The following STARD13 variants were observed in gnomAD, a reference collection of about 807,000 sequenced individuals.
The protein encoded by STARD13 is stAR-related lipid transfer protein 13.
In STARD13, 62 loss-of-function variants were observed where a neutral mutation model predicts 106.4. The observed-to-expected ratio is 0.58, with a 90% CI of 0.48 to 0.72. The LOEUF (loss-of-function observed/expected upper bound fraction) is 0.72. Among genes scored for constraint, STARD13 ranks in the 30% least tolerant of loss-of-function variants. The probability of loss-of-function intolerance (pLI) is 0.00; values close to 1 mark genes in which losing one functional copy is unlikely to be tolerated. For missense variants in STARD13, 1,387 were observed against 1,424.0 expected (o/e 0.97, Z 0.42); for synonymous variants, 565 against 553.0 (o/e 1.02, Z -0.31).
the STARD13 span, among the ~76,000 whole-genome samples, chr13:33,455,689 T>C: frequency 6.6e-6 from 1 of 151,996 alleles, no homozygotes; most frequent in Non-Finnish European, 1.5e-5. Context: ...ATCCCAGTAC[T>C]GTGGGAGGCT....
the STARD13 span, among the ~76,000 whole-genome samples, chr13:33,505,891 G>A: frequency 6.6e-6 from 1 of 152,194 alleles, no homozygotes; most frequent in South Asian, 2.1e-4. Context: ...ACCCTTCCTG[G>A]GGGTTTGCAA....
chr13:33,523,992 C>T, the STARD13 span, among the ~76,000 whole-genome samples: 1 of 152,026 alleles, frequency 6.6e-6, no homozygotes, highest in African/African-American at 2.4e-5. Flanking sequence ...AATGGACTAA[C>T]CGTTTTACCT....
the STARD13 span, among the ~76,000 whole-genome samples, chr13:33,640,991 G>A: frequency 6.6e-6 from 1 of 152,154 alleles, no homozygotes; most frequent in Non-Finnish European, 1.5e-5. Flanking sequence ...AAAGACACAG[G>A]GGGAATTGTT....
chr13:33,139,729 C>T (rs572114784), intron 4 of STARD13, among the ~76,000 whole-genome samples: 3 of 151,412 alleles, frequency 2.0e-5, no homozygotes, highest in African/African-American at 7.3e-5. Context: ...ATCATTTGGC[C>T]TAGTCTTAGC....
chr13:33,190,414 C>T (rs2138501180), intron 1 of STARD13, among the ~76,000 whole-genome samples: 1 of 152,128 alleles, frequency 6.6e-6, no homozygotes, highest in African/African-American at 2.4e-5. Context: ...GAGAAAGACC[C>T]TGTCTCAAAA....
chr13:33,547,973 A>T, the STARD13 span, among the ~76,000 whole-genome samples: 1 of 152,198 alleles, frequency 6.6e-6, no homozygotes, highest in African/African-American at 2.4e-5. Context: ...AAAATATTTA[A>T]AATGCCATTA....
chr13:33,165,498 T>A, intron 2 of STARD13, 80 bp from the exon 3 acceptor site: 1 of 1,045,770 alleles, frequency 9.6e-7, no homozygotes, highest in Non-Finnish European at 1.5e-6. Context: ...TCAAGGTCTG[T>A]AAAAGCCACT....
At chr13:33,460,566 A>G in the STARD13 span, among the ~76,000 whole-genome samples, 3 of 152,116 alleles carry the variant, frequency 2.0e-5, no homozygotes, top group Non-Finnish European at 4.4e-5. Flanking sequence ...TGTCTTGTAC[A>G]TATTTCTTAA....
At chr13:33,357,679 T>C in the STARD13 span, among the ~76,000 whole-genome samples, 3 of 152,202 alleles carry the variant, frequency 2.0e-5, no homozygotes, top group East Asian at 5.8e-4. Context: ...CATCTTTAAA[T>C]CCAGTCTTTG....
At chr13:33,202,826 G>A (rs1187320332) in intron 1 of STARD13, among the ~76,000 whole-genome samples, 1 of 152,094 alleles carries the variant, frequency 6.6e-6, no homozygotes, top group Non-Finnish European at 1.5e-5. Context: ...TGGTGGGTGG[G>A]GCAGGAGGGA....
the STARD13 span, among the ~76,000 whole-genome samples, chr13:33,645,392 G>A: frequency 1.2e-4 from 19 of 152,150 alleles, no homozygotes; most frequent in Non-Finnish European, 2.6e-4. Flanking sequence ...TGTGTCTATA[G>A]GTGGATTCAC....
chr13:33,185,902 C>T lies in STARD13; in HGVS notation c.170-18280G>A, dbSNP rs767035693. The T allele has an allele frequency of 9.3e-6, 15 of 1,614,124 alleles. No homozygotes were observed. In the East Asian group the frequency reaches 3.3e-4, roughly 36 times the overall value. On this transcript the variant is annotated intron_variant, in intron 1 of 13. Transcript: ENST00000336934. ...CCCCGGCGCTGGAATGTGTGGTTCA[C>T]TCTGCTTTTCTGTTTCCCACCACAG...
intron 3 of STARD13, among the ~76,000 whole-genome samples, chr13:33,161,670 G>A (rs990706898): frequency 2.6e-5 from 4 of 152,120 alleles, no homozygotes; most frequent in African/African-American, 7.2e-5. Flanking sequence ...ATTTGTCAAA[G>A]CTCAAAGACC....
chr13:33,187,864 A>G (rs908558156), intron 1 of STARD13, among the ~76,000 whole-genome samples: 1 of 152,098 alleles, frequency 6.6e-6, no homozygotes, highest in Admixed American at 6.5e-5. Flanking sequence ...TGTATTTTTT[A>G]GTAGAGACAG....
chr13:33,633,904 T>C, the STARD13 span, among the ~76,000 whole-genome samples: 1 of 152,198 alleles, frequency 6.6e-6, no homozygotes, highest in Non-Finnish European at 1.5e-5. Flanking sequence ...GCTCCCTGTG[T>C]GACCTCTGTA....
chr13:33,671,981 C>G, the STARD13 span, among the ~76,000 whole-genome samples: 10 of 152,030 alleles, frequency 6.6e-5, no homozygotes, highest in Non-Finnish European at 1.3e-4. Flanking sequence ...GATCTAGAAC[C>G]AGAAATACCA....
chr13:33,427,219 G>A, the STARD13 span, among the ~76,000 whole-genome samples: 1 of 152,138 alleles, frequency 6.6e-6, no homozygotes, highest in Non-Finnish European at 1.5e-5. Flanking sequence ...TGGGTGCCTT[G>A]TCTTAATCAC....
chr13:33,440,853 T>G, the STARD13 span, among the ~76,000 whole-genome samples: 1 of 147,018 alleles, frequency 6.8e-6, no homozygotes. Flanking sequence ...TGAACTCAAG[T>G]GATCCGCCCA....
the STARD13 span, among the ~76,000 whole-genome samples, chr13:33,499,593 T>A: frequency 1.6e-5 from 1 of 63,368 alleles, no homozygotes; most frequent in Non-Finnish European, 3.3e-5. Context: ...TTCTTCTTCT[T>A]CTTCTTCTTC....
Sources: allele counts gnomAD v4.1 joint callset (sites outside exome capture counted in the v4.1 genomes callset), GRCh38; gene constraint gnomAD v4.1.1; transcripts MANE v1.5; gene names NCBI Gene and HGNC (gene_info 2026-07-23, HGNC 2026-07-21).